The following SRPK2 variants were observed in gnomAD, a reference collection of about 807,000 sequenced individuals.
SRPK2 encodes the protein SFRS protein kinase 2.
A neutral mutation model predicts 90.8 loss-of-function variants in SRPK2; 21 were observed. That is an observed-to-expected ratio of 0.23 (90% CI 0.16 to 0.33). The LOEUF (loss-of-function observed/expected upper bound fraction) is 0.33, where lower values mean the gene tolerates loss of function less well. SRPK2 is among the 10% of genes least tolerant of loss of function. SRPK2 has a pLI of 1.00. For synonymous variants in SRPK2, 288 were observed against 311.1 expected (o/e 0.93, Z 0.78); for missense variants, 620 against 869.0 (o/e 0.71, Z 3.60).
intron 2 of SRPK2, among the ~76,000 whole-genome samples, chr7:105,364,383 T>C (rs1038414867): frequency 6.7e-6 from 1 of 150,074 alleles, no homozygotes; most frequent in African/African-American, 2.4e-5. Flanking sequence ...GAAAAGCCTT[T>C]CCATAGCATA....
At chr7:105,303,084 G>GT (rs938215805) in intron 2 of SRPK2, among the ~76,000 whole-genome samples, 2 of 152,002 alleles carry the variant, frequency 1.3e-5, no homozygotes, top group African/African-American at 4.8e-5. Context: ...AAAAAAAAAG[G>GT]TGGGGGGGAG....
At chr7:105,270,906 A>T (rs1805749255) in intron 2 of SRPK2, among the ~76,000 whole-genome samples, 1 of 152,190 alleles carries the variant, frequency 6.6e-6, no homozygotes, top group South Asian at 2.1e-4. Flanking sequence ...ATCTCTCAAT[A>T]AATATTTACT....
intron 2 of SRPK2, among the ~76,000 whole-genome samples, chr7:105,366,942 C>T (rs1433409182): frequency 2.6e-5 from 4 of 152,186 alleles, no homozygotes; most frequent in African/African-American, 4.8e-5. Flanking sequence ...TTCTCTCCTT[C>T]CTGGGAGCAC....
intron 2 of SRPK2, among the ~76,000 whole-genome samples, chr7:105,229,620 G>A (rs1458361564): frequency 6.6e-6 from 1 of 152,172 alleles, no homozygotes; most frequent in East Asian, 1.9e-4. Flanking sequence ...AAGGGGGAGC[G>A]CAGGAATAAA....
At chr7:105,127,725 A>ACCATTTCTTCC (rs11270344) in intron 13 of SRPK2, among the ~76,000 whole-genome samples, 27 of 151,942 alleles carry the variant, frequency 1.8e-4, no homozygotes, top group Admixed American at 3.9e-4. Context: ...TGTAGGGAAC[A>ACCATTTCTTCC]CATTTCCCTT....
intron 2 of SRPK2, among the ~76,000 whole-genome samples, chr7:105,348,525 G>A (rs1013813810): frequency 6.7e-6 from 1 of 150,242 alleles, no homozygotes; most frequent in Non-Finnish European, 1.5e-5. Flanking sequence ...CATGGTTCAA[G>A]CGATTCTCCC....
intron 2 of SRPK2, among the ~76,000 whole-genome samples, chr7:105,349,082 T>C (rs1816827929): frequency 6.8e-6 from 1 of 147,894 alleles, no homozygotes; most frequent in African/African-American, 2.5e-5. Flanking sequence ...GAGGCGGAGG[T>C]TGCAGTGAGC....
chr7:105,372,514 G>A (rs1819818898), intron 2 of SRPK2, among the ~76,000 whole-genome samples: 2 of 152,066 alleles, frequency 1.3e-5, no homozygotes, highest in Non-Finnish European at 2.9e-5. Flanking sequence ...GGTTCCTTTG[G>A]AGACATACAC....
intron 3 of SRPK2, among the ~76,000 whole-genome samples, chr7:105,179,146 A>G (rs571025868): frequency 3.9e-5 from 6 of 152,360 alleles, no homozygotes; most frequent in African/African-American, 1.4e-4. Context: ...CAAGGCCAAC[A>G]CATAATTCTA....
chr7:105,233,225 T>G (rs1413035820), intron 2 of SRPK2, among the ~76,000 whole-genome samples: 4 of 152,176 alleles, frequency 2.6e-5, no homozygotes, highest in Non-Finnish European at 5.9e-5. Flanking sequence ...AGTGGCTGTC[T>G]ATAGTCACGC....
At chr7:105,354,878 T>C (rs1452519201) in intron 2 of SRPK2, among the ~76,000 whole-genome samples, 1 of 152,100 alleles carries the variant, frequency 6.6e-6, no homozygotes, top group Admixed American at 6.6e-5. Flanking sequence ...CACATACCCA[T>C]CAACAGGCAC....
At chr7:105,382,281 G>A (rs1444670567) in intron 2 of SRPK2, among the ~76,000 whole-genome samples, 4 of 152,088 alleles carry the variant, frequency 2.6e-5, no homozygotes, top group African/African-American at 4.8e-5. Flanking sequence ...AGCCAGGCAC[G>A]GTGGCTCATG....
chr7:105,154,992 CTGTT>C (rs545140073), intron 7 of SRPK2, among the ~76,000 whole-genome samples: 13 of 150,370 alleles, frequency 8.6e-5, no homozygotes, highest in East Asian at 2.0e-4. Context: ...TCTTGTTTGT[CTGTT>C]TGAGTCAGAA....
Position 105,315,836 on chromosome 7 carries a change from T to C in SRPK2, c.71+72812A>G, listed in dbSNP as rs1171183610. On this transcript the variant is annotated intron_variant, in intron 2 of 15. Transcript: ENST00000393651. ...AGTTGTATTTGACATGATTCTAATATAATGCATAATAAATTTTTGTTAATT... is the reference window on the plus strand; with the variant it reads ...AGTTGTATTTGACATGATTCTAATACAATGCATAATAAATTTTTGTTAATT... 3.3e-5 allele frequency among the ~76,000 whole-genome samples: 5 copies of C among 152,146 alleles called. No individual in the cohort carries two copies. The East Asian group carries it at 7.7e-4, about 23-fold the overall frequency.
At chr7:105,318,983 GT>G (rs1042045166) in intron 2 of SRPK2, among the ~76,000 whole-genome samples, 2 of 152,150 alleles carry the variant, frequency 1.3e-5, no homozygotes, top group Middle Eastern at 3.2e-3. Context: ...TAAAATTCAT[GT>G]TTTAAAACAA....
At chr7:105,300,428 C>T (rs1379672131) in intron 2 of SRPK2, among the ~76,000 whole-genome samples, 1 of 151,978 alleles carries the variant, frequency 6.6e-6, no homozygotes, top group Non-Finnish European at 1.5e-5. Flanking sequence ...TCTGCCACGA[C>T]TTATGGAAAC....
chr7:105,182,924 G>C (rs1180300687), intron 3 of SRPK2, among the ~76,000 whole-genome samples: 1 of 151,550 alleles, frequency 6.6e-6, no homozygotes, highest in Non-Finnish European at 1.5e-5. Context: ...ACTGTATAGG[G>C]GAAAAAAAAA....
chr7:105,194,155 C>T (rs1794633819), intron 3 of SRPK2, among the ~76,000 whole-genome samples: 1 of 151,992 alleles, frequency 6.6e-6, no homozygotes. Context: ...TCTAATAAAT[C>T]CTTCCCTACT....
At chr7:105,350,282 C>T (rs188923527) in intron 2 of SRPK2, among the ~76,000 whole-genome samples, 1 of 151,076 alleles carries the variant, frequency 6.6e-6, no homozygotes, top group Admixed American at 6.6e-5. Context: ...TAGGCACATG[C>T]CACCAAGCCT....
Sources: allele counts gnomAD v4.1 joint callset (sites outside exome capture counted in the v4.1 genomes callset), GRCh38; gene constraint gnomAD v4.1.1; transcripts MANE v1.5; gene names NCBI Gene and HGNC (gene_info 2026-07-23, HGNC 2026-07-21).